WWOX: variants seen among roughly 807,000 people sequenced by gnomAD.
WWOX encodes WW domain containing oxidoreductase.
WWOX carries 69 observed loss-of-function variants against 46.2 expected under a neutral mutation model. The ratio of observed to expected loss-of-function variants is 1.49; its 90% CI spans 1.23 to 1.82. The LOEUF (loss-of-function observed/expected upper bound fraction) is 1.82, where lower values mean the gene tolerates loss of function less well. Ranked by LOEUF, WWOX falls within the 40% of genes most tolerant of loss-of-function variation. WWOX has a pLI of 0.00. For missense variants in WWOX, 919 were observed against 542.6 expected (o/e 1.69, Z -6.89); for synonymous variants, 359 against 202.6 (o/e 1.77, Z -6.56).
At chr16:79,110,366 G>A (rs1597384885) in intron 8 of WWOX, among the ~76,000 whole-genome samples, 2 of 152,200 alleles carry the variant, frequency 1.3e-5, no homozygotes, top group South Asian at 4.1e-4. Flanking sequence ...GCTGGGAGAG[G>A]CCATCAAATG....
rs565808809 is a variant in WWOX at position 78,834,287 on chromosome 16, A to G, written c.1057-377321A>G. 5.9e-5 allele frequency among the ~76,000 whole-genome samples: 9 copies of G among 152,296 alleles called. No individual in the cohort carries two copies. In the South Asian group the frequency reaches 1.9e-3, roughly 32 times the overall value. ...TGATCTGGGACCATGTCCCCATTGA[A>G]CACTGCTCTGTGCTGAGTCTGCAGA... On this transcript the variant is annotated intron_variant, in intron 8 of 8. Coordinates refer to ENST00000566780, the MANE Select transcript of WWOX (RefSeq NM_016373.4).
At position 78,393,432 on chromosome 16, in the gene WWOX, G is replaced by C. The variant is rs199617809; in HGVS notation, c.605+6484G>C. 6.6e-5 allele frequency among the ~76,000 whole-genome samples: 10 copies of C among 152,228 alleles called. No individual in the cohort carries two copies. The East Asian group carries it at 1.9e-3, about 29-fold the overall frequency. ...CAGCGCTTTTGGGAGGCCAAGGTGA[G>C]AGGATTGCTTAAGCCCAGAAACGTG... On this transcript the variant is annotated intron_variant, in intron 6 of 8. Transcript: ENST00000566780.
At chr16:78,339,496 G>T (rs1433740408) in intron 5 of WWOX, among the ~76,000 whole-genome samples, 3 of 119,576 alleles carry the variant, frequency 2.5e-5, no homozygotes, top group Admixed American at 8.2e-5. Flanking sequence ...TTGTATCCTG[G>T]AAAGTTCATT....
chr16:78,153,101 C>G (rs571889744), intron 4 of WWOX, among the ~76,000 whole-genome samples: 8 of 152,214 alleles, frequency 5.3e-5, no homozygotes, highest in Admixed American at 2.0e-4. Context: ...TTAGTAAGCA[C>G]GATCTCTAAC....
intron 8 of WWOX, among the ~76,000 whole-genome samples, chr16:79,015,795 A>G (rs2047401118): frequency 6.8e-6 from 1 of 146,578 alleles, no homozygotes; most frequent in South Asian, 2.3e-4. Context: ...CTCTGTCGCC[A>G]AGGTGGAGTG....
chr16:78,366,094 G>C (rs1009102990), intron 5 of WWOX, among the ~76,000 whole-genome samples: 1 of 152,130 alleles, frequency 6.6e-6, no homozygotes, highest in Non-Finnish European at 1.5e-5. Flanking sequence ...TAAATGCCCA[G>C]GTATTAGCAT....
At chr16:78,546,616 A>G (rs1177972383) in intron 8 of WWOX, among the ~76,000 whole-genome samples, 1 of 152,190 alleles carries the variant, frequency 6.6e-6, no homozygotes, top group Non-Finnish European at 1.5e-5. Flanking sequence ...ACTTATTTTT[A>G]AAATATAAAT....
chr16:78,900,057 CTTTTTT>C (rs754732541), intron 8 of WWOX, among the ~76,000 whole-genome samples: 8 of 102,162 alleles, frequency 7.8e-5, no homozygotes, highest in African/African-American at 2.5e-4. Context: ...GCCCTCCTGA[CTTTTTT>C]TTTTTTTTTT....
intron 8 of WWOX, among the ~76,000 whole-genome samples, chr16:78,596,755 G>A (rs1191180208): frequency 2.0e-5 from 3 of 152,150 alleles, no homozygotes; most frequent in Admixed American, 6.5e-5. Context: ...AACGAAGGGT[G>A]CATGGTGAGT....
intron 1 of WWOX, among the ~76,000 whole-genome samples, chr16:78,104,982 C>T (rs1272024725): frequency 6.6e-6 from 1 of 152,198 alleles, no homozygotes; most frequent in Non-Finnish European, 1.5e-5. Context: ...AGTTGGGCTT[C>T]AGAATCTTCA....
intron 8 of WWOX, among the ~76,000 whole-genome samples, chr16:79,147,618 C>T (rs79345279): frequency 8.5e-5 from 13 of 152,246 alleles, no homozygotes; most frequent in Non-Finnish European, 1.5e-4. Flanking sequence ...CCCATGAATG[C>T]AATTGGTGGG....
intron 5 of WWOX, among the ~76,000 whole-genome samples, chr16:78,226,131 A>C (rs1015936767): frequency 6.6e-6 from 1 of 152,182 alleles, no homozygotes; most frequent in African/African-American, 2.4e-5. Flanking sequence ...TCGAGAAATG[A>C]GTGGAATGAA....
intron 8 of WWOX, among the ~76,000 whole-genome samples, chr16:78,876,443 C>T (rs142931313): frequency 8.5e-4 from 128 of 149,772 alleles, no homozygotes; most frequent in Admixed American, 1.7e-3. Flanking sequence ...TGTTAATCAA[C>T]AAATAGATTG....
At chr16:78,351,014 A>G (rs925428496) in intron 5 of WWOX, among the ~76,000 whole-genome samples, 1 of 152,100 alleles carries the variant, frequency 6.6e-6, no homozygotes, top group Non-Finnish European at 1.5e-5. Flanking sequence ...GCGGTATTGC[A>G]TTGTGATTTT....
chr16:79,210,725 C>T (rs1257423690), intron 8 of WWOX, among the ~76,000 whole-genome samples: 13 of 152,178 alleles, frequency 8.5e-5, no homozygotes, highest in Non-Finnish European at 1.3e-4. Context: ...TTATGGCTTG[C>T]AAAGCAAAGT....
chr16:78,586,270 C>G (rs1447907907), intron 8 of WWOX, among the ~76,000 whole-genome samples: 1 of 152,102 alleles, frequency 6.6e-6, no homozygotes, highest in East Asian at 1.9e-4. Context: ...GCATTTCAGC[C>G]TGGGTGACAG....
intron 8 of WWOX, among the ~76,000 whole-genome samples, chr16:78,948,669 C>A (rs186059562): frequency 8.3e-4 from 126 of 152,186 alleles, no homozygotes; most frequent in African/African-American, 2.7e-3. Flanking sequence ...CAGTTCCAGC[C>A]CCTATGTCAG....
chr16:79,088,653 A>G (rs938432707), intron 8 of WWOX, among the ~76,000 whole-genome samples: 2 of 152,170 alleles, frequency 1.3e-5, no homozygotes, highest in African/African-American at 4.8e-5. Flanking sequence ...AGATGATAAC[A>G]TCTGCAGGGG....
At chr16:78,787,057 A>C (rs1017324051) in intron 8 of WWOX, among the ~76,000 whole-genome samples, 33 of 152,194 alleles carry the variant, frequency 2.2e-4, no homozygotes, top group Non-Finnish European at 4.6e-4. Flanking sequence ...CTGAGGCAGG[A>C]GAATCGCTTG....
Sources: allele counts gnomAD v4.1 joint callset (sites outside exome capture counted in the v4.1 genomes callset), GRCh38; gene constraint gnomAD v4.1.1; transcripts MANE v1.5; gene names NCBI Gene and HGNC (gene_info 2026-07-23, HGNC 2026-07-21).